Variants in BBS2 observed in about 807,000 individuals in gnomAD.
The protein encoded by BBS2 is BBSome complex member BBS2.
BBS2 carries 62 observed loss-of-function variants against 83.0 expected under a neutral mutation model. That is an observed-to-expected ratio of 0.75 (90% CI 0.61 to 0.92). BBS2 has a LOEUF of 0.92. Ranked by LOEUF, BBS2 falls within the 40% of genes least tolerant of loss-of-function variation. BBS2 has a pLI of 0.00. For missense variants in BBS2, 784 were observed against 901.0 expected (o/e 0.87, Z 1.66); for synonymous variants, 303 against 326.1 (o/e 0.93, Z 0.76).
intron 15 of BBS2, among the ~76,000 whole-genome samples, chr16:56,486,052 T>C (rs1963768049): frequency 6.6e-6 from 1 of 152,164 alleles, no homozygotes; most frequent in Non-Finnish European, 1.5e-5. Context: ...ACCTTCCAAG[T>C]TTCAGATGAA....
At chr16:56,473,092 G>C (rs1234254570) in intron 17 of BBS2, among the ~76,000 whole-genome samples, 2 of 152,038 alleles carry the variant, frequency 1.3e-5, no homozygotes, top group Non-Finnish European at 2.9e-5. Context: ...CACCACGCCC[G>C]GCTAACGTTT....
rs773429175 is a variant in BBS2, at chr16:56,484,772, C to G, written c.2155G>C (p.Ala719Pro). The change falls in exon 17 of 17, where the codon GCT becomes CCT. Residue 719 changes from alanine (A) to proline (P), a missense_variant. Coordinates refer to ENST00000245157, the MANE Select transcript of BBS2 (RefSeq NM_031885.5). Reference sequence around the variant, plus strand: ...TGTATTTTCCTCACCTAGGAAGAAGCTGTCCCCACTCGCATGATTTTGAAC... The same window carrying G: ...TGTATTTTCCTCACCTAGGAAGAAGGTGTCCCCACTCGCATGATTTTGAAC... The part of the protein sequence containing the change: ...TLFKIMRVGT[A>P]SS 1 of 1,613,704 alleles carries G rather than the reference C, an allele frequency of 6.2e-7. No individual in the cohort carries two copies. Among genetic ancestry groups the G allele is most frequent in the South Asian group, 1.1e-5 (1 of 91,072 alleles).
chr16:56,519,733 T>G lies in BBS2; in HGVS notation c.117+13A>C. The G allele has an allele frequency of 6.3e-7, 1 of 1,597,574 alleles. No homozygotes were observed. Among genetic ancestry groups the G allele is most frequent in the Non-Finnish European group, 8.6e-7 (1 of 1,166,534 alleles). On this transcript the variant is annotated intron_variant, in intron 1 of 16. Coordinates refer to ENST00000245157, the MANE Select transcript of BBS2 (RefSeq NM_031885.5). ...CCCTGGGGCCCGGGCTCCCTGCGGG[T>G]GGGAGCGGTTACCTTGCCCGTTTGG... is the stretch of plus-strand genomic sequence containing the variant.
At chr16:56,475,064 A>G (rs1963395115) in intron 17 of BBS2, 1 of 1,056,674 alleles carries the variant, frequency 9.5e-7, no homozygotes, top group Non-Finnish European at 1.4e-6. Flanking sequence ...TCAGAATCTC[A>G]CATCATGGGA....
At chr16:56,484,012 T>A (rs1285645731), downstream of BBS2, among the ~76,000 whole-genome samples, 1 of 150,348 alleles carries the variant, frequency 6.7e-6, no homozygotes, top group East Asian at 1.9e-4. Flanking sequence ...AAATATTTTT[T>A]TTTTTTTTTT....
rs772428389 is a variant in BBS2, at chr16:56,484,880, A to C, written c.2060-13T>G. On this transcript the variant is annotated splice_polypyrimidine_tract_variant and intron_variant, in intron 16 of 16. Coordinates refer to ENST00000245157, the MANE Select transcript of BBS2 (RefSeq NM_031885.5). ...TTTGGTTTTCCAACTGCATAAGAAG[A>C]AACATCAGGAACCAAAAGATTGTTA... is the stretch of plus-strand genomic sequence containing the variant. 1.9e-6 allele frequency: 3 copies of C among 1,595,730 alleles called. No homozygotes were observed. Among genetic ancestry groups the C allele is most frequent in the Non-Finnish European group, 2.6e-6 (3 of 1,163,344 alleles).
At chr16:56,495,965 G>A (rs1964104845) in intron 15 of BBS2, among the ~76,000 whole-genome samples, 1 of 151,972 alleles carries the variant, frequency 6.6e-6, no homozygotes, top group Non-Finnish European at 1.5e-5. Context: ...TGTTGAAGTT[G>A]GGTGGGTGGT....
downstream of BBS2, among the ~76,000 whole-genome samples, chr16:56,483,117 A>G (rs1383298363): frequency 6.6e-6 from 1 of 152,210 alleles, no homozygotes; most frequent in Non-Finnish European, 1.5e-5. Context: ...GCTATACAGT[A>G]TAGCCTGTTG....
rs542996099 is a variant in BBS2 at position 56,492,371 on chromosome 16, G to A, written c.1910+4596C>T. On this transcript the variant is annotated intron_variant, in intron 15 of 16. Coordinates refer to ENST00000245157, the MANE Select transcript of BBS2 (RefSeq NM_031885.5). ...TTCTGCAATATGTGACAACATGGAC[G>A]AACTCTGAGGATGTTACACTGAGTG... is the stretch of plus-strand genomic sequence containing the variant. Among the ~76,000 whole-genome samples the A allele has an allele frequency of 5.9e-5, 9 of 152,278 alleles. No homozygotes were observed. The South Asian group carries it at 1.2e-3, about 21-fold the overall frequency.
At chr16:56,512,817 C>T (rs746992447) in intron 2 of BBS2, among the ~76,000 whole-genome samples, 1 of 152,156 alleles carries the variant, frequency 6.6e-6, no homozygotes, top group Non-Finnish European at 1.5e-5. Context: ...AAGGTCTGTG[C>T]ATTTTCATGT....
At chr16:56,479,780 G>A (rs1230641066), downstream of BBS2, among the ~76,000 whole-genome samples, 15 of 152,214 alleles carry the variant, frequency 9.9e-5, no homozygotes, top group Admixed American at 9.8e-4. Context: ...GCCTGCAACC[G>A]CTCCACCTTC....
At chr16:56,475,996 G>A in intron 17 of BBS2, 1 of 1,519,896 alleles carries the variant, frequency 6.6e-7, no homozygotes. Context: ...TCCAAGATTT[G>A]AGAATAAGTT....
Position 56,502,752 on chromosome 16 carries a change from A to T in BBS2, c.861T>A (p.Ser287=). 3 of 1,614,226 alleles carry T rather than the reference A, an allele frequency of 1.9e-6. No homozygotes were observed. The highest frequency in any genetic ancestry group is 2.5e-6 in the Non-Finnish European group (3 of 1,180,034). Residue 287 remains serine (S), a synonymous_variant, in exon 8 of 17, where the codon TCT becomes TCA. Transcript: ENST00000245157. Reference sequence around the variant, plus strand: ...CTCCCTCTACCACACCGGCAATTGCAGAAGAAAAATTGTCCTTAAAGATGA... The same window carrying T: ...CTCCCTCTACCACACCGGCAATTGCTGAAGAAAAATTGTCCTTAAAGATGA... ...GEVIFKDNFS[S]AIAGVVEGDY...
intron 2 of BBS2, among the ~76,000 whole-genome samples, chr16:56,514,016 C>T (rs1466325184): frequency 6.6e-6 from 1 of 152,160 alleles, no homozygotes; most frequent in African/African-American, 2.4e-5. Context: ...ATTTCTTTTA[C>T]TTTTTACTTC....
At chr16:56,482,658 T>G (rs2144088312), downstream of BBS2, among the ~76,000 whole-genome samples, 1 of 152,308 alleles carries the variant, frequency 6.6e-6, no homozygotes, top group East Asian at 1.9e-4. Flanking sequence ...AAATTAATGT[T>G]TACTAACCTC....
At chr16:56,477,211 C>G (rs1177054096) in intron 17 of BBS2, 1 of 152,132 alleles carries the variant, frequency 6.6e-6, no homozygotes, top group African/African-American at 2.4e-5. Context: ...AATTATGGAG[C>G]CTTACATCCT....
rs1433422530 is a variant in BBS2, at chr16:56,511,189, GA to G, written c.440del (p.Phe147SerfsTer54). ...AAAAGAGATCACTTCCTTCATGATT[GA>G]AACCTTGCAGAGCACAATTGCCACC... ...IIGGNCALQG[F>X]NHEGSDLFWT... On this transcript the variant is annotated frameshift_variant, in exon 3 of 17. Coordinates refer to ENST00000245157, the MANE Select transcript of BBS2 (RefSeq NM_031885.5). LOFTEE classifies it high-confidence loss of function. The G allele has an allele frequency of 2.5e-6, 4 of 1,614,078 alleles. No homozygotes were observed. The highest frequency in any genetic ancestry group is 2.5e-6 in the Non-Finnish European group (3 of 1,180,014).
At position 56,510,306 on chromosome 16, in the gene BBS2, C is replaced by A. The variant is rs970249282; in HGVS notation, c.535-272G>T. Among the ~76,000 whole-genome samples, 8 of 152,212 alleles carry A rather than the reference C, an allele frequency of 5.3e-5. 1 individual carries two copies. The highest frequency in any genetic ancestry group is 7.3e-5 in the Non-Finnish European group (5 of 68,044). ...TTATTTCCCTGAGTACCTGAAAAGG[C>A]TCCCTGGATCAGCAACTTTCTCTGC... On this transcript the variant is annotated intron_variant, in intron 4 of 16. Coordinates refer to ENST00000245157, the MANE Select transcript of BBS2 (RefSeq NM_031885.5).
downstream of BBS2, among the ~76,000 whole-genome samples, chr16:56,483,835 G>C (rs1287965854): frequency 6.6e-6 from 1 of 151,616 alleles, no homozygotes; most frequent in African/African-American, 2.4e-5. Flanking sequence ...GCATAGCTGG[G>C]ATTGTAGGTG....
Sources: gnomAD v4.1 joint callset for allele counts (sites outside exome capture counted in the v4.1 genomes callset) on GRCh38, gnomAD v4.1.1 for gene constraint, MANE v1.5 for transcripts, NCBI Gene and HGNC (gene_info 2026-07-23, HGNC 2026-07-21) for gene names.